DENND4C: variants seen among roughly 807,000 people sequenced by gnomAD.
DENND4C encodes the protein DENN domain-containing protein 4C.
A neutral mutation model predicts 203.0 loss-of-function variants in DENND4C; 108 were observed. That is an observed-to-expected ratio of 0.53 (90% CI 0.46 to 0.62). The LOEUF (loss-of-function observed/expected upper bound fraction) is 0.62. Among genes scored for constraint, DENND4C ranks in the 20% least tolerant of loss-of-function variants. The pLI is 0.00. For missense variants in DENND4C, 2,481 were observed against 2,301.2 expected (o/e 1.08, Z -1.60); for synonymous variants, 871 against 792.4 (o/e 1.10, Z -1.67).
chr9:19,330,395 AG>A (rs1818829573), intron 16 of DENND4C, among the ~76,000 whole-genome samples: 1 of 131,852 alleles, frequency 7.6e-6, no homozygotes, highest in Admixed American at 8.9e-5. Flanking sequence ...GCTGGAGTGC[AG>A]TGGCACGATT....
At chr9:19,317,326 GTA>G in intron 12 of DENND4C, among the ~76,000 whole-genome samples, 1 of 151,616 alleles carries the variant, frequency 6.6e-6, no homozygotes, top group Non-Finnish European at 1.5e-5. Flanking sequence ...GGCCAGATGT[GTA>G]CACTTTTGGC....
Position 19,328,064 on chromosome 9 carries a change from T to C in DENND4C, c.2155T>C (p.Phe719Leu). ...KYFPRLDLKLFDRPQELKLCF... is the reference protein window; with the variant it reads ...KYFPRLDLKLLDRPQELKLCF... ...CTTTCCAAGACTGGACCTTAAGCTT[T>C]TTGACAGACCGCAGGAGTTGAAACT... Residue 719 changes from phenylalanine to leucine, a missense_variant, in exon 16 of 33, where the codon TTT becomes CTT. Coordinates refer to ENST00000434457, the MANE Select transcript of DENND4C (RefSeq NM_001330640.2). The C allele has an allele frequency of 6.2e-7, 1 of 1,613,034 alleles. No homozygotes were observed. The highest frequency in any genetic ancestry group is 2.2e-5 in the East Asian group (1 of 44,812).
intron 1 of DENND4C, among the ~76,000 whole-genome samples, chr9:19,271,225 A>T (rs1261607420): frequency 1.4e-5 from 2 of 138,908 alleles, no homozygotes; most frequent in African/African-American, 5.5e-5. Flanking sequence ...TTTTTGAGAC[A>T]GTCTTGCTCT....
At chr9:19,318,935 A>G in intron 12 of DENND4C, among the ~76,000 whole-genome samples, 1 of 152,182 alleles carries the variant, frequency 6.6e-6, no homozygotes, top group South Asian at 2.1e-4. Context: ...TTGGGAGGCC[A>G]AGGCAGGCTG....
chr9:19,342,572 T>C, intron 21 of DENND4C, 61 bp from the exon 22 acceptor site: 2 of 1,482,798 alleles, frequency 1.3e-6, no homozygotes, highest in South Asian at 2.9e-5. Context: ...AAAGTCAATA[T>C]ATGGTTTCTG....
chr9:19,331,591 A>G (rs1286605503), intron 16 of DENND4C, among the ~76,000 whole-genome samples: 1 of 152,212 alleles, frequency 6.6e-6, no homozygotes, highest in Non-Finnish European at 1.5e-5. Context: ...GGCAGGAGAT[A>G]GCCTAGAGCA....
At chr9:19,301,832 G>T (rs770029354) in intron 9 of DENND4C, among the ~76,000 whole-genome samples, 2 of 152,170 alleles carry the variant, frequency 1.3e-5, no homozygotes, top group Non-Finnish European at 1.5e-5. Context: ...AGCTACTCGG[G>T]AGGCTGAGGC....
At chr9:19,308,966 A>G (rs1457183968) in intron 10 of DENND4C, among the ~76,000 whole-genome samples, 3 of 152,348 alleles carry the variant, frequency 2.0e-5, no homozygotes, top group Middle Eastern at 6.8e-3. Context: ...TGAAAACATT[A>G]TGTTAAAAGA....
At chr9:19,330,260 G>A (rs951973616) in intron 16 of DENND4C, among the ~76,000 whole-genome samples, 12 of 150,758 alleles carry the variant, frequency 8.0e-5, no homozygotes, top group African/African-American at 2.9e-4. Context: ...GAAAAACAAG[G>A]GCATGTATTT....
chr9:19,295,448 T>A (rs1837244367), intron 5 of DENND4C, among the ~76,000 whole-genome samples: 1 of 151,324 alleles, frequency 6.6e-6, no homozygotes, highest in Admixed American at 6.6e-5. Flanking sequence ...GAGCTTGCAG[T>A]GAGCCGAGAT....
At chr9:19,350,262 A>G (rs778664280) in intron 23 of DENND4C, among the ~76,000 whole-genome samples, 5 of 152,192 alleles carry the variant, frequency 3.3e-5, no homozygotes, top group Admixed American at 2.0e-4. Flanking sequence ...ATATTTTCAG[A>G]TTACATAATT....
intron 8 of DENND4C, 72 bp from the exon 9 acceptor site, chr9:19,300,115 T>C: frequency 1.4e-6 from 2 of 1,432,066 alleles, no homozygotes; most frequent in Admixed American, 2.0e-5. Flanking sequence ...TGTTGATACT[T>C]TAATAAGCAA....
intron 1 of DENND4C, among the ~76,000 whole-genome samples, chr9:19,272,434 A>T (rs967518631): frequency 6.6e-6 from 1 of 151,744 alleles, no homozygotes; most frequent in African/African-American, 2.4e-5. Flanking sequence ...AAACAAAAAC[A>T]AAAACAAAAA....
At chr9:19,362,101 C>G (rs888301679) in intron 30 of DENND4C, 138 bp downstream of exon 30, 3 of 528,152 alleles carry the variant, frequency 5.7e-6, no homozygotes, top group Non-Finnish European at 1.0e-5. Context: ...TGGTGAAATC[C>G]TGTCTCTATT....
intron 2 of DENND4C, among the ~76,000 whole-genome samples, chr9:19,283,253 T>C (rs1448966206): frequency 6.6e-6 from 1 of 152,138 alleles, no homozygotes; most frequent in South Asian, 2.1e-4. Context: ...GGATCATCAC[T>C]ATCTCTGCCT....
intron 23 of DENND4C, among the ~76,000 whole-genome samples, chr9:19,350,419 A>C (rs960188200): frequency 3.3e-5 from 5 of 152,170 alleles, no homozygotes; most frequent in African/African-American, 1.2e-4. Flanking sequence ...TGGGCTCCCT[A>C]GAATTCTGTT....
intron 23 of DENND4C, among the ~76,000 whole-genome samples, chr9:19,348,804 T>C (rs1588967430): frequency 6.6e-6 from 1 of 150,632 alleles, no homozygotes; most frequent in Non-Finnish European, 1.5e-5. Flanking sequence ...AAAAAAAAAG[T>C]GTATCATTTT....
At chr9:19,319,411 T>TATATATATACATATATATATACACACAC (rs1842491568) in intron 12 of DENND4C, among the ~76,000 whole-genome samples, 1 of 141,974 alleles carries the variant, frequency 7.0e-6, no homozygotes, top group Non-Finnish European at 1.5e-5. Flanking sequence ...TATACACACA[T>TATATATATACATATATATATACACACAC]ATATATATAC....
chr9:19,352,468 GTC>G lies in DENND4C; in HGVS notation c.4606-20_4606-19del. 6.5e-7 allele frequency: 1 copy of G among 1,543,332 alleles called. No individual in the cohort carries two copies. Among genetic ancestry groups the G allele is most frequent in the Non-Finnish European group, 8.7e-7 (1 of 1,144,966 alleles). On this transcript the variant is annotated intron_variant, in intron 25 of 32. Coordinates refer to ENST00000434457, the MANE Select transcript of DENND4C (RefSeq NM_001330640.2). Reference sequence around the variant, plus strand: ...TTAATTTTTATTAAACGTTCTCAGTGTCTGCATTTTTCTGTTTTTAGGTTTTG... The same window carrying G: ...TTAATTTTTATTAAACGTTCTCAGTGTGCATTTTTCTGTTTTTAGGTTTTG...
Sources: gnomAD v4.1 joint callset for allele counts (sites outside exome capture counted in the v4.1 genomes callset) on GRCh38, gnomAD v4.1.1 for gene constraint, MANE v1.5 for transcripts, NCBI Gene and HGNC (gene_info 2026-07-23, HGNC 2026-07-21) for gene names.